SYT1: variants seen among roughly 807,000 people sequenced by gnomAD.
SYT1 encodes synaptotagmin-1.
A neutral mutation model predicts 44.8 loss-of-function variants in SYT1; 8 were observed. The ratio of observed to expected loss-of-function variants is 0.18; its 90% confidence interval spans 0.10 to 0.32. The LOEUF (loss-of-function observed/expected upper bound fraction) is 0.32, where lower values mean the gene tolerates loss of function less well. Among genes scored for constraint, SYT1 ranks in the 10% least tolerant of loss-of-function variants. The pLI, the probability that SYT1 is intolerant of heterozygous loss-of-function variation, is 1.00. For synonymous variants in SYT1, 154 were observed against 188.8 expected (o/e 0.82, Z 1.51); for missense variants, 286 against 509.3 (o/e 0.56, Z 4.22).
chr12:78,942,294 C>G (rs1390606523), intron 1 of SYT1, among the ~76,000 whole-genome samples: 1 of 152,206 alleles, frequency 6.6e-6, no homozygotes, highest in Non-Finnish European at 1.5e-5. Context: ...ATCTTCTTAT[C>G]CAGGCATTCA....
At chr12:79,268,543 C>T (rs1878252757) in intron 4 of SYT1, among the ~76,000 whole-genome samples, 1 of 152,204 alleles carries the variant, frequency 6.6e-6, no homozygotes, top group Admixed American at 6.5e-5. Context: ...GAATGAGTCT[C>T]TCTTCTAGAT....
At chr12:79,207,572 G>A (rs1874200033) in intron 3 of SYT1, among the ~76,000 whole-genome samples, 1 of 151,966 alleles carries the variant, frequency 6.6e-6, no homozygotes, top group Non-Finnish European at 1.5e-5. Flanking sequence ...GTGTCCATGT[G>A]TACTCATTGT....
intron 8 of SYT1, among the ~76,000 whole-genome samples, chr12:79,313,198 A>G (rs960852722): frequency 7.9e-5 from 12 of 152,254 alleles, no homozygotes; most frequent in African/African-American, 2.7e-4. Context: ...TAACTAAATC[A>G]GATAGCTTTT....
intron 8 of SYT1, among the ~76,000 whole-genome samples, chr12:79,311,246 A>T (rs1213958134): frequency 2.0e-5 from 3 of 152,232 alleles, no homozygotes; most frequent in African/African-American, 7.2e-5. Flanking sequence ...ACATTTATGC[A>T]GCCAAAAAAC....
chr12:79,310,338 G>A lies in SYT1; in HGVS notation c.810+10787G>A, dbSNP rs897529279. Among the ~76,000 whole-genome samples the A allele has an allele frequency of 1.4e-4, 22 of 152,074 alleles. No individual in the cohort carries two copies. The East Asian group carries it at 1.9e-3, about 13-fold the overall frequency. ...GATCAGATAGTTGTAGATATGTGGC[G>A]TTATTTCTGAGGGCTCTGTTCTGTT... On this transcript the variant is annotated intron_variant, in intron 8 of 10. Coordinates refer to ENST00000261205, the MANE Select transcript of SYT1 (RefSeq NM_005639.3).
At chr12:79,298,161 A>C (rs973143855) in intron 7 of SYT1, among the ~76,000 whole-genome samples, 2 of 152,096 alleles carry the variant, frequency 1.3e-5, no homozygotes, top group African/African-American at 2.4e-5. Context: ...AATCACTAGA[A>C]AGTCTAGAGA....
At chr12:79,004,373 A>G (rs1269195111) in intron 2 of SYT1, among the ~76,000 whole-genome samples, 1 of 151,952 alleles carries the variant, frequency 6.6e-6, no homozygotes, top group Non-Finnish European at 1.5e-5. Context: ...AGATTTGGAT[A>G]TGAAGCACTG....
rs1565842326 is a variant in SYT1 at position 79,179,478 on chromosome 12, G to GATATATCTATATAGATATATCCATAT, written c.-17-38024_-17-38023insTATATCTATATAGATATATCCATATA. Among the ~76,000 whole-genome samples the GATATATCTATATAGATATATCCATAT allele has an allele frequency of 8.8e-3, 157 of 17,804 alleles. 1 individual carries two copies. Among genetic ancestry groups the GATATATCTATATAGATATATCCATAT allele is most frequent in the Middle Eastern group, 0.019 (1 of 52 alleles). The allele number at this position is 17,804 out of a possible 152,430, so 11.7% of individuals were successfully genotyped here. A position where few individuals can be genotyped will look rare whatever the true frequency, so the allele number is the denominator to read the frequency against. ...TATAATCTATATAGATATAGATATA[G>GATATATCTATATAGATATATCCATAT]AGATATAGATATATCTATATAGATA... On this transcript the variant is annotated intron_variant, in intron 3 of 10. Coordinates refer to ENST00000261205, the MANE Select transcript of SYT1 (RefSeq NM_005639.3).
At chr12:79,446,020 T>C (rs1475262559) in intron 10 of SYT1, among the ~76,000 whole-genome samples, 4 of 131,280 alleles carry the variant, frequency 3.0e-5, no homozygotes, top group African/African-American at 1.1e-4. Flanking sequence ...TATATATATA[T>C]ATATATATAT....
intron 3 of SYT1, among the ~76,000 whole-genome samples, chr12:79,212,560 A>G (rs562948788): frequency 4.0e-5 from 6 of 151,192 alleles, no homozygotes; most frequent in Non-Finnish European, 7.4e-5. Flanking sequence ...TTAATTTTCT[A>G]TTCAATAATA....
Position 79,024,483 on chromosome 12 carries a change from A to G in SYT1, c.-83-22814A>G, listed in dbSNP as rs1254687618. Among the ~76,000 whole-genome samples the G allele has an allele frequency of 1.1e-4, 16 of 151,840 alleles. No individual in the cohort carries two copies. In the South Asian group the frequency reaches 2.1e-3, roughly 20 times the overall value. On this transcript the variant is annotated intron_variant, in intron 2 of 10. Transcript: ENST00000261205. Reference sequence around the variant, plus strand: ...AATGTATCTTTAACATTCTAGGGCTATAAACTCATTTATTCATTTAATAAT... The same window carrying G: ...AATGTATCTTTAACATTCTAGGGCTGTAAACTCATTTATTCATTTAATAAT...
chr12:78,924,175 A>G (rs1400083077), intron 1 of SYT1, among the ~76,000 whole-genome samples: 1 of 151,954 alleles, frequency 6.6e-6, no homozygotes, highest in Non-Finnish European at 1.5e-5. Flanking sequence ...AATGCATCAT[A>G]TCAGAAGGCC....
At chr12:78,928,153 C>A (rs979055540) in intron 1 of SYT1, among the ~76,000 whole-genome samples, 1 of 152,080 alleles carries the variant, frequency 6.6e-6, no homozygotes, top group African/African-American at 2.4e-5. Flanking sequence ...TAGTAACTAT[C>A]ATAGAAGCAT....
At chr12:78,869,349 T>C (rs1198826014) in intron 1 of SYT1, among the ~76,000 whole-genome samples, 1 of 151,992 alleles carries the variant, frequency 6.6e-6, no homozygotes, top group African/African-American at 2.4e-5. Flanking sequence ...GTACTAGCAA[T>C]ACAAAATAAA....
At chr12:79,048,048 A>C (rs1514922) in intron 3 of SYT1, among the ~76,000 whole-genome samples, 1 of 151,888 alleles carries the variant, frequency 6.6e-6, no homozygotes, top group Non-Finnish European at 1.5e-5. Context: ...GAATATGAAG[A>C]ACAATAACAT....
chr12:79,323,709 G>A (rs1049239440), intron 8 of SYT1, among the ~76,000 whole-genome samples: 2 of 151,716 alleles, frequency 1.3e-5, no homozygotes, highest in African/African-American at 4.8e-5. Context: ...ATAATAAAAT[G>A]GTTACTGATA....
intron 1 of SYT1, among the ~76,000 whole-genome samples, chr12:78,970,559 C>G (rs1190203867): frequency 1.3e-5 from 2 of 152,080 alleles, no homozygotes; most frequent in Admixed American, 1.3e-4. Context: ...GGTCTTGAAG[C>G]GTGATAGCCA....
chr12:79,237,803 A>G (rs950824199), intron 4 of SYT1, among the ~76,000 whole-genome samples: 1 of 152,196 alleles, frequency 6.6e-6, no homozygotes, highest in African/African-American at 2.4e-5. Flanking sequence ...CATCATCTGT[A>G]TATTGAATTA....
chr12:79,321,623 G>T (rs554135184), intron 8 of SYT1, among the ~76,000 whole-genome samples: 18 of 152,332 alleles, frequency 1.2e-4, no homozygotes, highest in South Asian at 4.1e-4. Context: ...ATGGGACTTA[G>T]CTGAATTTTA....
Sources: allele counts gnomAD v4.1 joint callset (sites outside exome capture counted in the v4.1 genomes callset), GRCh38; gene constraint gnomAD v4.1.1; transcripts MANE v1.5; gene names NCBI Gene and HGNC (gene_info 2026-07-23, HGNC 2026-07-21).